The following PRDM16 variants were observed in gnomAD, a reference collection of about 807,000 sequenced individuals.
PRDM16 encodes PR/SET domain 16, also known as histone-lysine N-methyltransferase PRDM16.
Under a neutral mutation model 110.6 loss-of-function variants are expected in PRDM16, and 23 were observed. The ratio of observed to expected loss-of-function variants is 0.21; its 90% confidence interval spans 0.15 to 0.29. PRDM16 has a LOEUF of 0.29. PRDM16 is among the 10% of genes least tolerant of loss of function. The probability of loss-of-function intolerance (pLI) is 1.00; values close to 1 mark genes in which losing one functional copy is unlikely to be tolerated. For synonymous variants in PRDM16, 799 were observed against 781.8 expected, an observed-to-expected ratio of 1.02 and a Z score of -0.37; for missense variants, 1,615 against 1,794.3, an observed-to-expected ratio of 0.90 and a Z score of 1.81.
chr1:3,185,839 A>AGGGT (rs1644260790), intron 1 of PRDM16, among the ~76,000 whole-genome samples: 1 of 152,224 alleles, frequency 6.6e-6, no homozygotes, highest in Non-Finnish European at 1.5e-5. Flanking sequence ...TGTGGGAGCC[A>AGGGT]GGGTGGGTGA....
intron 3 of PRDM16, among the ~76,000 whole-genome samples, chr1:3,260,885 G>A (rs1175312703): frequency 6.7e-6 from 1 of 149,188 alleles, no homozygotes; most frequent in Non-Finnish European, 1.5e-5. Flanking sequence ...GAGAACCAAA[G>A]AGCCCAGGAA....
At chr1:3,083,556 AG>A (rs1426525054) in intron 1 of PRDM16, among the ~76,000 whole-genome samples, 1 of 127,800 alleles carries the variant, frequency 7.8e-6, no homozygotes, top group Non-Finnish European at 1.6e-5. Flanking sequence ...CCTGCTGCGG[AG>A]GGATGCCCTG....
intron 1 of PRDM16, among the ~76,000 whole-genome samples, chr1:3,181,358 ACG>A (rs146017949): frequency 2.1e-4 from 7 of 33,278 alleles, no homozygotes; most frequent in Non-Finnish European, 4.4e-4. Context: ...GGTCTTACAC[ACG>A]GTCTTACACA....
chr1:3,092,894 C>T (rs549354115), intron 1 of PRDM16, among the ~76,000 whole-genome samples: 23 of 152,246 alleles, frequency 1.5e-4, no homozygotes, highest in African/African-American at 4.8e-4. Flanking sequence ...CCCCTTTCCA[C>T]GACTTTGACA....
rs1643178833 is a variant in PRDM16, at chr1:3,385,410, C to A, written c.573+124C>A. On this transcript the variant is annotated intron_variant, in intron 4 of 16. Transcript: ENST00000270722. ...GCCTCTTTGGGGACATCTGCCAAGCCCTGGCCTGCAGTGGGGGTGCTGTTT... is the reference window on the plus strand; with the variant it reads ...GCCTCTTTGGGGACATCTGCCAAGCACTGGCCTGCAGTGGGGGTGCTGTTT... 8.3e-6 allele frequency: 9 copies of A among 1,089,682 alleles called. No homozygotes were observed. The East Asian group carries it at 2.2e-4, about 27-fold the overall frequency. The allele number at this position is 1,089,682 out of a possible 1,614,324, so 67.5% of individuals were successfully genotyped here. A position where few individuals can be genotyped will look rare whatever the true frequency, so the allele number is the denominator to read the frequency against.
chr1:3,189,680 G>T (rs1280634328), intron 2 of PRDM16, among the ~76,000 whole-genome samples: 1 of 152,210 alleles, frequency 6.6e-6, no homozygotes, highest in Middle Eastern at 3.2e-3. Flanking sequence ...AGAAGGATCG[G>T]TGTCATTTTG....
chr1:3,389,949 G>A (rs1170337886), intron 4 of PRDM16, among the ~76,000 whole-genome samples: 2 of 107,028 alleles, frequency 1.9e-5, no homozygotes, highest in Middle Eastern at 4.9e-3. Flanking sequence ...CTGGGGGTGC[G>A]CCCCCCCCCC....
intron 3 of PRDM16, among the ~76,000 whole-genome samples, chr1:3,252,482 G>A (rs552315090): frequency 1.5e-3 from 226 of 152,278 alleles, no homozygotes; most frequent in Non-Finnish European, 2.9e-3. Context: ...TGGGGGCCGC[G>A]GTGGAGGTCC....
intron 4 of PRDM16, among the ~76,000 whole-genome samples, chr1:3,392,976 G>A (rs1569663173): frequency 6.6e-6 from 1 of 152,226 alleles, no homozygotes; most frequent in Non-Finnish European, 1.5e-5. Context: ...GTTCACCCAC[G>A]TTCAGTCAAG....
intron 3 of PRDM16, among the ~76,000 whole-genome samples, chr1:3,311,814 C>A (rs567926202): frequency 1.3e-5 from 2 of 152,322 alleles, no homozygotes; most frequent in East Asian, 3.9e-4. Flanking sequence ...AGATCTGAGA[C>A]AGCCCTGCCT....
chr1:3,172,135 G>T (rs1644032743), intron 1 of PRDM16, among the ~76,000 whole-genome samples: 1 of 152,196 alleles, frequency 6.6e-6, no homozygotes, highest in Admixed American at 6.5e-5. Context: ...AAGGAGTTGA[G>T]AACAGAATCA....
At chr1:3,197,201 A>T (rs1638500962) in intron 2 of PRDM16, among the ~76,000 whole-genome samples, 1 of 152,134 alleles carries the variant, frequency 6.6e-6, no homozygotes, top group African/African-American at 2.4e-5. Flanking sequence ...ACTGGGCCCC[A>T]GGGAGGGAAA....
In PRDM16 at chr1:3,176,745, T is replaced by C. The variant is rs1443110916; in HGVS notation, c.38-9380T>C. 5.2e-5 allele frequency among the ~76,000 whole-genome samples: 7 copies of C among 134,234 alleles called. No individual in the cohort carries two copies. The East Asian group carries it at 7.5e-4, about 14-fold the overall frequency. 88.1% of individuals were successfully genotyped at this position (134,234 alleles called of 152,430 possible). On this transcript the variant is annotated intron_variant, in intron 1 of 16. Coordinates refer to ENST00000270722, the MANE Select transcript of PRDM16 (RefSeq NM_022114.4). ...CCATCCATCCATCCATCCATCCATC[T>C]ATTCTTCCATCCATCCCTCCATCCA...
chr1:3,251,556 A>G lies in PRDM16; in HGVS notation c.438+7419A>G, dbSNP rs528369536. On this transcript the variant is annotated intron_variant, in intron 3 of 16. Transcript: ENST00000270722. Reference sequence around the variant, plus strand: ...TGGTATCATGGCACCTGCAGGGGTCAGGGTGCACAGGTGCTGCCCTGGAAC... The same window carrying G: ...TGGTATCATGGCACCTGCAGGGGTCGGGGTGCACAGGTGCTGCCCTGGAAC... Among the ~76,000 whole-genome samples the G allele has an allele frequency of 2.6e-5, 4 of 152,238 alleles. No homozygotes were observed. In the South Asian group the frequency reaches 8.3e-4, roughly 32 times the overall value.
chr1:3,161,252 C>T (rs1044328070), intron 1 of PRDM16, among the ~76,000 whole-genome samples: 2 of 151,998 alleles, frequency 1.3e-5, no homozygotes, highest in Non-Finnish European at 2.9e-5. Flanking sequence ...CTCTCACCAG[C>T]AAACACACAC....
intron 1 of PRDM16, among the ~76,000 whole-genome samples, chr1:3,164,939 A>G (rs1305694595): frequency 6.6e-6 from 1 of 152,188 alleles, no homozygotes; most frequent in Non-Finnish European, 1.5e-5. Context: ...CCAGAGGTGC[A>G]AGCCCTGACC....
intron 3 of PRDM16, among the ~76,000 whole-genome samples, chr1:3,365,368 G>A (rs1642790602): frequency 6.6e-6 from 1 of 152,240 alleles, no homozygotes; most frequent in African/African-American, 2.4e-5. Context: ...CTGAGGGTCA[G>A]GAAGAGGAAA....
rs1225889946 is a variant in PRDM16 at position 3,165,788 on chromosome 1, G to C, written c.38-20337G>C. Among the ~76,000 whole-genome samples, 2 of 76,418 alleles carry C rather than the reference G, an allele frequency of 2.6e-5. 1 individual carries two copies. The highest frequency in any genetic ancestry group is 4.5e-5 in the Non-Finnish European group (2 of 44,788). 50.1% of individuals were successfully genotyped at this position (76,418 alleles called of 152,430 possible). ...GGACAGGGACTCACCAGGGCTCAGG[G>C]ACAGGGACTCACCAGGGCTCAGGCA... On this transcript the variant is annotated intron_variant, in intron 1 of 16. Transcript: ENST00000270722.
intron 12 of PRDM16, among the ~76,000 whole-genome samples, chr1:3,423,444 G>A (rs910410730): frequency 1.3e-5 from 2 of 152,126 alleles, no homozygotes; most frequent in Non-Finnish European, 2.9e-5. Flanking sequence ...CCAGGCTTTT[G>A]TGATAGCAAA....
Sources: allele counts gnomAD v4.1 joint callset (sites outside exome capture counted in the v4.1 genomes callset), GRCh38; gene constraint gnomAD v4.1.1; transcripts MANE v1.5; gene names NCBI Gene and HGNC (gene_info 2026-07-23, HGNC 2026-07-21).